The following RAB24 variants were observed in gnomAD, a reference collection of about 807,000 sequenced individuals.
The protein encoded by RAB24 is ras-related protein Rab-24.
Under a neutral mutation model 31.4 loss-of-function variants are expected in RAB24, and 9 were observed. The ratio of observed to expected loss-of-function variants is 0.29; its 90% CI spans 0.17 to 0.50. The LOEUF is 0.50. RAB24 is among the 20% of genes least tolerant of loss of function. The pLI is 0.98. For missense variants in RAB24, 197 were observed against 265.2 expected, an observed-to-expected ratio of 0.74 and a Z score of 1.79; for synonymous variants, 106 against 94.1, an observed-to-expected ratio of 1.13 and a Z score of -0.73.
At position 177,301,701 on chromosome 5, in the gene RAB24, C is replaced by G. The variant is rs778715476; in HGVS notation, c.*42G>C. On this transcript the variant is annotated 3_prime_UTR_variant, in exon 8 of 8. Coordinates refer to ENST00000303251, the MANE Select transcript of RAB24 (RefSeq NM_001031677.4). ...AGAAAGGAGCTGGGTCCAGCCCTTACGGGGAATTCCTTTAATTCCCCCAGG... is the reference window on the plus strand; with the variant it reads ...AGAAAGGAGCTGGGTCCAGCCCTTAGGGGGAATTCCTTTAATTCCCCCAGG... 1.9e-6 allele frequency: 3 copies of G among 1,603,548 alleles called. No individual in the cohort carries two copies. The highest frequency in any genetic ancestry group is 1.7e-4 in the Middle Eastern group (1 of 6,008).
Position 177,301,714 on chromosome 5 carries a change from T to G in RAB24, c.*29A>C, listed in dbSNP as rs201082917. 13 of 1,611,668 alleles carry G rather than the reference T, an allele frequency of 8.1e-6. No individual in the cohort carries two copies. In the South Asian group the frequency reaches 9.9e-5, roughly 12 times the overall value. ...GTCCAGCCCTTACGGGGAATTCCTTTAATTCCCCCAGGCCAGGTGAGTGCT... is the reference window on the plus strand; with the variant it reads ...GTCCAGCCCTTACGGGGAATTCCTTGAATTCCCCCAGGCCAGGTGAGTGCT... On this transcript the variant is annotated 3_prime_UTR_variant, in exon 8 of 8. Transcript: ENST00000303251.
chr5:177,302,741 C>T lies in RAB24; in HGVS notation c.265+11G>A. ...TTCTTGTGAGACAGCCCAAACCCCC[C>T]CCCCCCTTACCATAGCAGACGATGG... On this transcript the variant is annotated intron_variant, in intron 3 of 7. Coordinates refer to ENST00000303251, the MANE Select transcript of RAB24 (RefSeq NM_001031677.4). The T allele has an allele frequency of 6.4e-7, 1 of 1,572,274 alleles. No individual in the cohort carries two copies. Among genetic ancestry groups the T allele is most frequent in the Non-Finnish European group, 8.8e-7 (1 of 1,142,640 alleles).
At position 177,301,720 on chromosome 5, in the gene RAB24, C is replaced by T. The variant is rs768558482; in HGVS notation, c.*23G>A. ...CCCTTACGGGGAATTCCTTTAATTC[C>T]CCCAGGCCAGGTGAGTGCTGACTCA... On this transcript the variant is annotated 3_prime_UTR_variant, in exon 8 of 8. Transcript: ENST00000303251. 1.2e-6 allele frequency: 2 copies of T among 1,613,690 alleles called. No individual in the cohort carries two copies. The highest frequency in any genetic ancestry group is 2.2e-5 in the East Asian group (1 of 44,880).
rs1277341719 is a variant in RAB24 at position 177,303,268 on chromosome 5, G to A, written c.21C>T (p.Asp7=). ...CCTTGCCCAGCATCACCACCTTGAC[G>A]TCCACGCGCTGCCCGCTCATGCTCC... MSGQRV[D]VKVVMLGKEY... The change falls in exon 1 of 8, where the codon GAC becomes GAT. Residue 7 remains aspartate (D), a synonymous_variant. Transcript: ENST00000303251. The surrounding 1 kb of genome is among the most constrained non-coding windows in gnomAD (Gnocchi z 6.1). The A allele has an allele frequency of 7.4e-6, 12 of 1,613,576 alleles. No homozygotes were observed. The Admixed American group carries it at 1.3e-4, about 18-fold the overall frequency.
At chr5:177,302,727 C>G in intron 3 of RAB24, 25 bp downstream of exon 3, 1 of 1,583,166 alleles carries the variant, frequency 6.3e-7, no homozygotes, top group Non-Finnish European at 8.5e-7. Context: ...TCTTGTGAGA[C>G]AGCCCAAACC....
Position 177,302,140 on chromosome 5 carries a change from C to T in RAB24, c.472G>A (p.Gly158Ser). ...GCACAGCACTCACCCACACTCTGGC[C>T]TGTCTTGCTGGATGTTTCAAAGAGC... ...AQLFETSSKTGQSVDELFQKV... is the reference protein window; with the variant it reads ...AQLFETSSKTSQSVDELFQKV... The change falls in exon 6 of 8, where the codon GGC becomes AGC. Residue 158 changes from glycine to serine, a missense_variant. Physicochemically the swap from Gly to Ser is moderately conservative, Grantham distance 56 (BLOSUM62 0). This residue lies in a region of RAB24 where 148 missense variants were observed against 159.7 expected (regional missense o/e 0.93). Transcript: ENST00000303251. 1 of 1,614,210 alleles carries T rather than the reference C, an allele frequency of 6.2e-7. No homozygotes were observed. The highest frequency in any genetic ancestry group is 8.5e-7 in the Non-Finnish European group (1 of 1,180,026).
rs753130865 is a variant in RAB24 at position 177,302,746 on chromosome 5, C to G, written c.265+6G>C. The G allele has an allele frequency of 1.0e-5, 16 of 1,558,556 alleles. No individual in the cohort carries two copies. The highest frequency in any genetic ancestry group is 5.0e-5 in the Admixed American group (3 of 59,552). ...GTGAGACAGCCCAAACCCCCCCCCC[C>G]CTTACCATAGCAGACGATGGCAGCC... is the stretch of plus-strand genomic sequence containing the variant. On this transcript the variant is annotated splice_donor_region_variant and intron_variant, in intron 3 of 7. Transcript: ENST00000303251.
chr5:177,302,103 T>A (rs1175598053), intron 6 of RAB24, 25 bp downstream of exon 6: 1 of 1,613,844 alleles, frequency 6.2e-7, no homozygotes, highest in Non-Finnish European at 8.5e-7. Flanking sequence ...ATGTTCCTGC[T>A]GTGAGGCTCC....
chr5:177,301,810 G>A lies in RAB24; in HGVS notation c.548-3C>T. 1.2e-6 allele frequency: 2 copies of A among 1,614,222 alleles called. No individual in the cohort carries two copies. Among genetic ancestry groups the A allele is most frequent in the South Asian group, 2.2e-5 (2 of 91,088 alleles). ...GCCCAGATCCACGCCCTTGTCCTCTGTCAAAAAGAGAGGTGGCAGCTCAGC... is the reference window on the plus strand; with the variant it reads ...GCCCAGATCCACGCCCTTGTCCTCTATCAAAAAGAGAGGTGGCAGCTCAGC... On this transcript the variant is annotated splice_region_variant and splice_polypyrimidine_tract_variant and intron_variant, in intron 7 of 7. Transcript: ENST00000303251.
Position 177,303,189 on chromosome 5 carries a change from C to T in RAB24, c.100G>A (p.Val34Met). The change falls in exon 1 of 8, where the codon GTG becomes ATG. Residue 34 changes from valine to methionine, a missense_variant. By Grantham distance (21) the Val-to-Met change is conservative. Coordinates refer to ENST00000303251, the MANE Select transcript of RAB24 (RefSeq NM_001031677.4). This position sits in a 1 kb window ranked among gnomAD's most constrained non-coding sequence, Gnocchi z 6.1. The stretch of plus-strand genomic sequence containing the variant: ...GCACTCACGTTCTGATAAGGCCCCA[C>T]CAGAAAGCGGTCGTGCACGTAGCGC... Reference protein sequence around the residue: ...VERYVHDRFLVGPYQNTIGAA... With the variant: ...VERYVHDRFLMGPYQNTIGAA... 1 of 1,613,780 alleles carries T rather than the reference C, an allele frequency of 6.2e-7. No individual in the cohort carries two copies. The highest frequency in any genetic ancestry group is 1.1e-5 in the South Asian group (1 of 91,090).
chr5:177,302,356 G>A (rs1252246323), intron 5 of RAB24, 41 bp downstream of exon 5: 1 of 1,606,212 alleles, frequency 6.2e-7, no homozygotes. Context: ...CACCCAGACA[G>A]CCACACACCC....
At position 177,303,099 on chromosome 5, in the gene RAB24, C is replaced by T. The variant is rs750158639; in HGVS notation, c.118-22G>A. 2 of 1,613,962 alleles carry T rather than the reference C, an allele frequency of 1.2e-6. No individual in the cohort carries two copies. Among genetic ancestry groups the T allele is most frequent in the Non-Finnish European group, 8.5e-7 (1 of 1,180,006 alleles). On this transcript the variant is annotated intron_variant, in intron 1 of 7. Transcript: ENST00000303251. The surrounding 1 kb of genome is among the most constrained non-coding windows in gnomAD (Gnocchi z 6.1). ...TGGTCTGCAACGAGAGGGAAGAGAT[C>T]GGGGCCATAGGTGCAGATTACCGGC... is the stretch of plus-strand genomic sequence containing the variant.
At position 177,303,123 on chromosome 5, in the gene RAB24, G is replaced by GC. The variant is rs753881061; in HGVS notation, c.118-47dup. ...TCGGGGCCATAGGTGCAGATTACCG[G>GC]CCCCCCACTCCCCCGCCCACCGTGC... On this transcript the variant is annotated intron_variant, in intron 1 of 7. Coordinates refer to ENST00000303251, the MANE Select transcript of RAB24 (RefSeq NM_001031677.4). This position sits in a 1 kb window ranked among gnomAD's most constrained non-coding sequence, Gnocchi z 6.1. 7 of 1,612,880 alleles carry GC rather than the reference G, an allele frequency of 4.3e-6. No individual in the cohort carries two copies. The highest frequency in any genetic ancestry group is 5.9e-6 in the Non-Finnish European group (7 of 1,179,470).
At position 177,302,416 on chromosome 5, in the gene RAB24, G is replaced by A. The variant is rs149948949; in HGVS notation, c.414C>T (p.Asp138=). 3.3e-4 allele frequency: 535 copies of A among 1,613,292 alleles called. No homozygotes were observed. Among genetic ancestry groups the A allele is most frequent in the Non-Finnish European group, 4.2e-4 (499 of 1,180,018 alleles). ...AGCTACTGTCTGCATAGTCCTGGAC[G>A]TCGTGGAAGTCCACACGTCGACGCC... ...DRRRRRVDFH[D]VQDYADNIKA... The change falls in exon 5 of 8, where the codon GAC becomes GAT. Residue 138 remains aspartate (D), a synonymous_variant. Transcript: ENST00000303251.
Position 177,302,637 on chromosome 5 carries a change from T to C in RAB24, c.273A>G (p.Thr91=), listed in dbSNP as rs1219833117. The C allele has an allele frequency of 1.2e-6, 2 of 1,614,142 alleles. No individual in the cohort carries two copies. The highest frequency in any genetic ancestry group is 1.7e-6 in the Non-Finnish European group (2 of 1,180,028). The change falls in exon 4 of 8, where the codon ACA becomes ACG. Residue 91 remains threonine, a synonymous_variant. Coordinates refer to ENST00000303251, the MANE Select transcript of RAB24 (RefSeq NM_001031677.4). The stretch of plus-strand genomic sequence containing the variant: ...TTGCTCGCTCAAAGCTGCTGCTGTC[T>C]GTGAGGTCTTGGTGTGCGGCATGCA... ...AKAAIVCYDL[T]DSSSFERAKF... is the part of the protein sequence containing the mutation.
Position 177,303,635 on chromosome 5 carries a change from G to C in RAB24, c.-347C>G. On this transcript the variant is annotated 5_prime_UTR_variant, in exon 1 of 8. Coordinates refer to ENST00000303251, the MANE Select transcript of RAB24 (RefSeq NM_001031677.4). The surrounding 1 kb of genome is among the most constrained non-coding windows in gnomAD (Gnocchi z 6.1). ...GCCTGCCCGGCTTAAGCTCCGTTCT[G>C]GCTGGGAATCCCAACCGAACCTGGG... The C allele has an allele frequency of 4.7e-6, 2 of 421,342 alleles. No individual in the cohort carries two copies. The highest frequency in any genetic ancestry group is 8.5e-6 in the Non-Finnish European group (2 of 235,618). 26.1% of individuals were successfully genotyped at this position (421,342 alleles called of 1,614,324 possible).
intron 7 of RAB24, 29 bp from the exon 8 acceptor site, chr5:177,301,836 A>AC: frequency 6.2e-7 from 1 of 1,614,054 alleles, no homozygotes; most frequent in South Asian, 1.1e-5. Flanking sequence ...GCAGCTCAGC[A>AC]CCATTCTGTT....
chr5:177,303,369 C>A lies in RAB24; in HGVS notation c.-81G>T. ...CCCGATCTCCGCTCGGCCCAGGCAG[C>A]GCCCAAGCCTCAGACCCCGACCCCA... is the stretch of plus-strand genomic sequence containing the variant. On this transcript the variant is annotated 5_prime_UTR_variant, in exon 1 of 8. Coordinates refer to ENST00000303251, the MANE Select transcript of RAB24 (RefSeq NM_001031677.4). The surrounding 1 kb of genome is among the most constrained non-coding windows in gnomAD (Gnocchi z 6.1). The A allele has an allele frequency of 7.1e-7, 1 of 1,410,566 alleles. No individual in the cohort carries two copies. The highest frequency in any genetic ancestry group is 2.3e-5 in the East Asian group (1 of 43,832). The allele number at this position is 1,410,566 out of a possible 1,614,324, so 87.4% of individuals were successfully genotyped here. A position where few individuals can be genotyped will look rare whatever the true frequency, so the allele number is the denominator to read the frequency against.
Position 177,301,735 on chromosome 5 carries a change from G to A in RAB24, c.*8C>T, listed in dbSNP as rs1203977572. On this transcript the variant is annotated 3_prime_UTR_variant, in exon 8 of 8. Coordinates refer to ENST00000303251, the MANE Select transcript of RAB24 (RefSeq NM_001031677.4). ...CCTTTAATTCCCCCAGGCCAGGTGA[G>A]TGCTGACTCAGTGATGACAACAGCT... is the stretch of plus-strand genomic sequence containing the variant. The A allele has an allele frequency of 1.9e-6, 3 of 1,614,106 alleles. No homozygotes were observed. Among genetic ancestry groups the A allele is most frequent in the Admixed American group, 1.7e-5 (1 of 60,026 alleles).
Sources: allele counts gnomAD v4.1 joint callset, GRCh38; gene constraint gnomAD v4.1.1; regional missense constraint gnomAD v4.1.1; non-coding constraint Gnocchi (gnomAD v3.1); transcripts MANE v1.5; gene names NCBI Gene and HGNC (gene_info 2026-07-23, HGNC 2026-07-21).